Variants in GSTA3 observed in about 807,000 individuals in gnomAD.
The protein encoded by GSTA3 is glutathione S-transferase alpha 3.
Under a neutral mutation model 23.1 loss-of-function variants are expected in GSTA3, and 16 were observed. The observed-to-expected ratio is 0.69, with a 90% confidence interval of 0.47 to 1.05. The LOEUF is 1.05. Among genes scored for constraint, GSTA3 ranks in the 50% least tolerant of loss-of-function variants. The pLI, the probability that GSTA3 is intolerant of heterozygous loss-of-function variation, is 0.00. For synonymous variants in GSTA3, 122 were observed against 91.0 expected (o/e 1.34, Z -1.94); for missense variants, 319 against 263.6 (o/e 1.21, Z -1.46).
intron 6 of GSTA3, 152 bp downstream of exon 6, chr6:52,897,673 A>T (rs1279427945): frequency 1.3e-6 from 1 of 773,118 alleles, no homozygotes; most frequent in Non-Finnish European, 2.2e-6. Context: ...CATGCCTCAA[A>T]ATTGGGGTCT....
Position 52,905,778 on chromosome 6 carries a change from G to C in GSTA3, c.57C>G (p.Ile19Met), listed in dbSNP as rs1330817394. 1.2e-6 allele frequency: 2 copies of C among 1,609,720 alleles called. No homozygotes were observed. The highest frequency in any genetic ancestry group is 2.2e-5 in the South Asian group (2 of 90,816). The change falls in exon 2 of 7, where the codon ATC (isoleucine) becomes ATG (methionine). Residue 19 changes from isoleucine (I) to methionine (M), a missense_variant. Physicochemically the swap from Ile to Met is conservative, Grantham distance 10 (BLOSUM62 1). Coordinates refer to ENST00000211122, the MANE Select transcript of GSTA3 (RefSeq NM_000847.5). Reference sequence around the variant, plus strand: ...CTCCAGCTGCAGCCAAGAGCCACCGGATGGGCTCCATTCTGCCCCGTCCAT... The same window carrying C: ...CTCCAGCTGCAGCCAAGAGCCACCGCATGGGCTCCATTCTGCCCCGTCCAT... ...YFNGRGRMEP[I>M]RWLLAAAGVE...
intron 5 of GSTA3, among the ~76,000 whole-genome samples, chr6:52,899,350 C>T (rs1170659204): frequency 3.3e-5 from 5 of 152,198 alleles, no homozygotes; most frequent in African/African-American, 9.6e-5. Context: ...TCGGCTCTGA[C>T]TCCTAACCTG....
intron 2 of GSTA3, among the ~76,000 whole-genome samples, chr6:52,904,062 T>C (rs1765801873): frequency 6.6e-6 from 1 of 152,156 alleles, no homozygotes; most frequent in African/African-American, 2.4e-5. Flanking sequence ...TCATGGCTCA[T>C]TGCAGCCTTG....
At chr6:52,899,810 G>T in intron 5 of GSTA3, 124 bp downstream of exon 5, 2 of 869,556 alleles carry the variant, frequency 2.3e-6, no homozygotes, top group South Asian at 1.5e-5. Context: ...GAGAGTCAGA[G>T]AGCTGAATTG....
chr6:52,898,839 C>T (rs1251462122), intron 5 of GSTA3, among the ~76,000 whole-genome samples: 5 of 152,174 alleles, frequency 3.3e-5, no homozygotes, highest in African/African-American at 1.2e-4. Context: ...TTATCCCTGA[C>T]GCACGTGGCC....
intron 4 of GSTA3, among the ~76,000 whole-genome samples, chr6:52,901,610 G>T (rs954766067): frequency 6.6e-6 from 1 of 152,208 alleles, no homozygotes; most frequent in Non-Finnish European, 1.5e-5. Flanking sequence ...ACAAGATTTG[G>T]TGTGGAAGTA....
intron 5 of GSTA3, 51 bp from the exon 6 acceptor site, chr6:52,898,007 A>T: frequency 4.4e-6 from 7 of 1,606,838 alleles, no homozygotes; most frequent in Non-Finnish European, 6.0e-6. Context: ...CCAGGATGGG[A>T]CCCCTGCTTC....
At chr6:52,897,557 G>A (rs969336438) in intron 6 of GSTA3, among the ~76,000 whole-genome samples, 1 of 152,206 alleles carries the variant, frequency 6.6e-6, no homozygotes, top group African/African-American at 2.4e-5. Flanking sequence ...GAGGAATGGG[G>A]GAGGAAGGAA....
intron 6 of GSTA3, 33 bp downstream of exon 6, chr6:52,897,792 G>T (rs376131779): frequency 9.3e-6 from 15 of 1,611,750 alleles, no homozygotes; most frequent in African/African-American, 5.4e-5. Context: ...GGACATGTGG[G>T]GCTGTCTCTC....
At chr6:52,897,710 T>C in intron 6 of GSTA3, 115 bp downstream of exon 6, 2 of 1,129,806 alleles carry the variant, frequency 1.8e-6, no homozygotes, top group Non-Finnish European at 2.7e-6. Context: ...GACCTGGGGG[T>C]ACTGAAGGCC....
intron 2 of GSTA3, among the ~76,000 whole-genome samples, chr6:52,905,366 T>C (rs994575283): frequency 1.3e-5 from 2 of 152,134 alleles, no homozygotes; most frequent in African/African-American, 4.8e-5. Context: ...CATCACAAAA[T>C]GACACTAAAA....
At chr6:52,903,281 G>A (rs1165838909) in intron 3 of GSTA3, among the ~76,000 whole-genome samples, 1 of 151,866 alleles carries the variant, frequency 6.6e-6, no homozygotes, top group Admixed American at 6.6e-5. Context: ...CATAGGCATC[G>A]CCTGGTGTTA....
intron 2 of GSTA3, among the ~76,000 whole-genome samples, chr6:52,904,867 C>T (rs1014497806): frequency 1.3e-5 from 2 of 152,308 alleles, no homozygotes; most frequent in Admixed American, 6.5e-5. Flanking sequence ...AAGCCCCCAC[C>T]CCTGATTTTA....
intron 3 of GSTA3, among the ~76,000 whole-genome samples, chr6:52,902,791 G>A (rs1470730724): frequency 2.0e-5 from 3 of 152,146 alleles, no homozygotes; most frequent in African/African-American, 4.8e-5. Flanking sequence ...AGGTTACAAC[G>A]GGAGTGCCAG....
intron 2 of GSTA3, 92 bp from the exon 3 acceptor site, chr6:52,903,819 T>G (rs1014225994): frequency 6.1e-5 from 45 of 739,618 alleles, no homozygotes; most frequent in South Asian, 2.7e-4. Context: ...GGTACATAAT[T>G]TGGAGAACAT....
intron 2 of GSTA3, among the ~76,000 whole-genome samples, chr6:52,904,223 C>T (rs1024371224): frequency 6.6e-5 from 10 of 152,020 alleles, no homozygotes; most frequent in Admixed American, 1.3e-4. Context: ...CTCCTGGGCT[C>T]AAGCAATCCT....
chr6:52,904,133 T>G (rs1040738273), intron 2 of GSTA3, among the ~76,000 whole-genome samples: 7 of 152,056 alleles, frequency 4.6e-5, no homozygotes, highest in Admixed American at 2.6e-4. Flanking sequence ...ACTATAGGCA[T>G]GCACCATCAC....
At chr6:52,901,828 C>A (rs1581862971) in intron 4 of GSTA3, among the ~76,000 whole-genome samples, 1 of 152,178 alleles carries the variant, frequency 6.6e-6, no homozygotes, top group African/African-American at 2.4e-5. Flanking sequence ...TCCAGGCAAC[C>A]CCAGAGTTCT....
intron 4 of GSTA3, among the ~76,000 whole-genome samples, chr6:52,900,892 C>A (rs1765659619): frequency 6.6e-6 from 1 of 152,146 alleles, no homozygotes; most frequent in African/African-American, 2.4e-5. Flanking sequence ...CTTCTATGCC[C>A]AATATTAGCA....
Sources: gnomAD v4.1 joint callset for allele counts (sites outside exome capture counted in the v4.1 genomes callset) on GRCh38, gnomAD v4.1.1 for gene constraint, MANE v1.5 for transcripts, NCBI Gene and HGNC (gene_info 2026-07-23, HGNC 2026-07-21) for gene names.